LRRTM4: variants seen among roughly 807,000 people sequenced by gnomAD.
LRRTM4 encodes leucine rich repeat transmembrane neuronal 4.
Under a neutral mutation model 47.6 loss-of-function variants are expected in LRRTM4, and 25 were observed. The ratio of observed to expected loss-of-function variants is 0.53; its 90% CI spans 0.38 to 0.73. LRRTM4 has a LOEUF of 0.73. LRRTM4 is among the 30% of genes least tolerant of loss of function. The pLI, the probability that LRRTM4 is intolerant of heterozygous loss-of-function variation, is 0.00. For missense variants in LRRTM4, 638 were observed against 713.4 expected (o/e 0.89, Z 1.20); for synonymous variants, 311 against 269.5 (o/e 1.15, Z -1.51).
chr2:77,243,309 C>T (rs1340861845), intron 3 of LRRTM4, among the ~76,000 whole-genome samples: 2 of 151,136 alleles, frequency 1.3e-5, no homozygotes, highest in Admixed American at 6.6e-5. Flanking sequence ...ACTCAGGAGG[C>T]TGAGGCAGGA....
At chr2:76,765,784 G>C (rs1673431857) in intron 3 of LRRTM4, among the ~76,000 whole-genome samples, 1 of 152,182 alleles carries the variant, frequency 6.6e-6, no homozygotes, top group African/African-American at 2.4e-5. Flanking sequence ...TTCATTCTGA[G>C]AGCCTGAGCC....
chr2:76,804,202 A>C (rs1242421397), intron 3 of LRRTM4, among the ~76,000 whole-genome samples: 1 of 152,216 alleles, frequency 6.6e-6, no homozygotes, highest in Non-Finnish European at 1.5e-5. Flanking sequence ...CACCCCTGAC[A>C]CAGAGTGATA....
chr2:76,971,913 A>C (rs905397200), intron 3 of LRRTM4, among the ~76,000 whole-genome samples: 1 of 152,096 alleles, frequency 6.6e-6, no homozygotes, highest in African/African-American at 2.4e-5. Context: ...GCTTCTCTAT[A>C]AAATGAGGAC....
intron 3 of LRRTM4, among the ~76,000 whole-genome samples, chr2:76,891,484 T>C (rs567525015): frequency 1.3e-5 from 2 of 151,732 alleles, no homozygotes; most frequent in African/African-American, 4.8e-5. Context: ...AGTTAGAATA[T>C]TGGAAAAGTA....
At chr2:77,483,323 G>T (rs1309689199) in intron 3 of LRRTM4, among the ~76,000 whole-genome samples, 3 of 152,008 alleles carry the variant, frequency 2.0e-5, no homozygotes, top group Non-Finnish European at 4.4e-5. Flanking sequence ...AACACAAGGT[G>T]ACAAAGTCCT....
At chr2:76,812,045 G>A (rs946352754) in intron 3 of LRRTM4, among the ~76,000 whole-genome samples, 4 of 152,054 alleles carry the variant, frequency 2.6e-5, no homozygotes, top group African/African-American at 9.6e-5. Flanking sequence ...TTTTCCTGGA[G>A]CAATAAAACA....
chr2:77,200,975 C>T (rs17013806), intron 3 of LRRTM4, among the ~76,000 whole-genome samples: 62 of 152,136 alleles, frequency 4.1e-4, no homozygotes, highest in African/African-American at 1.4e-3. Context: ...AGAAAACCTG[C>T]GGCAAAGTCC....
chr2:77,442,214 T>G (rs183499992), intron 3 of LRRTM4, among the ~76,000 whole-genome samples: 1 of 152,256 alleles, frequency 6.6e-6, no homozygotes, highest in East Asian at 1.9e-4. Context: ...TGTTTTCCTT[T>G]TGTCAAGGTA....
chr2:77,295,662 C>G (rs1676952090), intron 3 of LRRTM4, among the ~76,000 whole-genome samples: 1 of 152,110 alleles, frequency 6.6e-6, no homozygotes, highest in Non-Finnish European at 1.5e-5. Context: ...TTTCTGAAGA[C>G]TGAGAAAAGG....
intron 3 of LRRTM4, among the ~76,000 whole-genome samples, chr2:77,004,430 G>T (rs76502079): frequency 0.05 from 7,602 of 152,242 alleles, 414 homozygotes; most frequent in East Asian, 0.14. Context: ...GCTTCCACAT[G>T]GTGCTGAGCT....
At chr2:77,432,136 C>A (rs528242601) in intron 3 of LRRTM4, among the ~76,000 whole-genome samples, 6 of 152,262 alleles carry the variant, frequency 3.9e-5, no homozygotes, top group South Asian at 4.1e-4. Flanking sequence ...CCAAACCCAA[C>A]AGGGCAGACA....
At chr2:76,867,844 C>T (rs1205561261) in intron 3 of LRRTM4, among the ~76,000 whole-genome samples, 2 of 152,140 alleles carry the variant, frequency 1.3e-5, no homozygotes, top group South Asian at 2.1e-4. Context: ...CATGCATACA[C>T]ATGTATTTAT....
intron 3 of LRRTM4, among the ~76,000 whole-genome samples, chr2:76,918,202 TCTG>T (rs1056797671): frequency 1.3e-5 from 2 of 152,342 alleles, no homozygotes; most frequent in East Asian, 1.9e-4. Context: ...ATGAAAAATG[TCTG>T]CTTTCTTAAT....
chr2:77,407,529 G>T (rs1674242605), intron 3 of LRRTM4, among the ~76,000 whole-genome samples: 1 of 147,226 alleles, frequency 6.8e-6, no homozygotes, highest in African/African-American at 2.5e-5. Context: ...GGCAGTTGAA[G>T]GTCAATGGTA....
intron 3 of LRRTM4, among the ~76,000 whole-genome samples, chr2:77,064,845 C>T (rs1232701920): frequency 6.6e-6 from 1 of 152,086 alleles, no homozygotes; most frequent in South Asian, 2.1e-4. Flanking sequence ...GCTTTCTCTG[C>T]CTTTTCTGAT....
intron 3 of LRRTM4, among the ~76,000 whole-genome samples, chr2:76,821,070 A>C (rs113571928): frequency 6.6e-6 from 1 of 151,746 alleles, no homozygotes; most frequent in South Asian, 2.1e-4. Flanking sequence ...AGTACAAAAC[A>C]TAAGTAGAAG....
chr2:77,431,872 G>A (rs1177700640), intron 3 of LRRTM4, among the ~76,000 whole-genome samples: 1 of 149,388 alleles, frequency 6.7e-6, no homozygotes, highest in East Asian at 1.9e-4. Context: ...TCAAGAGATC[G>A]AGACCATCCT....
chr2:77,041,476 A>G (rs1407504739), intron 3 of LRRTM4, among the ~76,000 whole-genome samples: 3 of 151,524 alleles, frequency 2.0e-5, no homozygotes, highest in Middle Eastern at 3.2e-3. Context: ...TGAAATTTTA[A>G]GGAACCTCTA....
chr2:77,101,595 T>TG (rs1558580665), intron 3 of LRRTM4, among the ~76,000 whole-genome samples: 1 of 152,206 alleles, frequency 6.6e-6, no homozygotes, highest in Admixed American at 6.5e-5. Flanking sequence ...GTTATGCTCT[T>TG]TATTTACCTA....
Sources: gnomAD v4.1 joint callset for allele counts (sites outside exome capture counted in the v4.1 genomes callset) on GRCh38, gnomAD v4.1.1 for gene constraint, MANE v1.5 for transcripts, NCBI Gene and HGNC (gene_info 2026-07-23, HGNC 2026-07-21) for gene names.